PRDX4: variants seen among roughly 807,000 people sequenced by gnomAD.
The protein encoded by PRDX4 is peroxiredoxin-4.
A neutral mutation model predicts 20.5 loss-of-function variants in PRDX4; 12 were observed. The observed-to-expected ratio is 0.58, with a 90% CI of 0.37 to 0.95. PRDX4 has a LOEUF of 0.95. Among genes scored for constraint, PRDX4 ranks in the 40% least tolerant of loss-of-function variants. The pLI is 0.01. For missense variants in PRDX4, 180 were observed against 207.3 expected (o/e 0.87, Z 0.81); for synonymous variants, 99 against 87.5 (o/e 1.13, Z -0.73).
intron 4 of PRDX4, among the ~76,000 whole-genome samples, chrX:23,680,745 A>AT (rs972545993): frequency 9.3e-6 from 1 of 108,032 alleles, no homozygotes; most frequent in Non-Finnish European, 1.9e-5. Flanking sequence ...AAAAAAAATA[A>AT]TTTTTTTTTG....
Position 23,667,737 on chromosome X carries a change from G to T in PRDX4, c.167G>T (p.Gly56Val). The T allele has an allele frequency of 8.3e-7, 1 of 1,211,879 alleles. No individual in the cohort carries two copies. Among genetic ancestry groups the T allele is most frequent in the Non-Finnish European group, 1.1e-6 (1 of 895,513 alleles). The change falls in exon 1 of 7, where the codon GGT becomes GTT. Residue 56 changes from glycine to valine, a missense_variant. Gly to Val is a moderately radical substitution (Grantham distance 109). This residue lies in a region of PRDX4 where 105 missense variants were observed against 114.2 expected (regional missense o/e 0.92). Transcript: ENST00000379341. ...TREEECHFYA[G>V]GQVYPGEASR... Reference sequence around the variant, plus strand: ...GAAGAGGAGTGCCACTTCTACGCGGGTGGACAAGTGTACCCGGGAGAGGCA... The same window carrying T: ...GAAGAGGAGTGCCACTTCTACGCGGTTGGACAAGTGTACCCGGGAGAGGCA...
Position 23,675,074 on chromosome X carries a change from C to T in PRDX4, c.444C>T (p.Cys148=), listed in dbSNP as rs766665895. 7.4e-6 allele frequency: 9 copies of T among 1,209,400 alleles called. No homozygotes were observed. The highest frequency in any genetic ancestry group is 4.4e-5 in the Admixed American group (2 of 45,647). ...FRSINTEVVA[C]SVDSQFTHLA... ...CTATAAATACTGAAGTGGTAGCATG[C>T]TCTGTTGATTCACAGTTTACCCATT... Residue 148 remains cysteine, a synonymous_variant, in exon 3 of 7, where the codon TGC becomes TGT. Coordinates refer to ENST00000379341, the MANE Select transcript of PRDX4 (RefSeq NM_006406.2).
chrX:23,678,330 C>T (rs1008627847), intron 3 of PRDX4, among the ~76,000 whole-genome samples: 12 of 107,759 alleles, frequency 1.1e-4, no homozygotes, highest in Non-Finnish European at 2.3e-4. Flanking sequence ...TGTATCCATA[C>T]ATTAAAAATG....
chrX:23,680,121 G>A (rs1387829053), intron 4 of PRDX4, among the ~76,000 whole-genome samples: 3 of 112,389 alleles, frequency 2.7e-5, no homozygotes, highest in Non-Finnish European at 3.8e-5. Flanking sequence ...ATTATTTAGA[G>A]GTCTTTCACC....
chrX:23,669,810 G>A (rs1175893708), intron 1 of PRDX4, among the ~76,000 whole-genome samples: 1 of 110,013 alleles, frequency 9.1e-6, no homozygotes, highest in Non-Finnish European at 1.9e-5. Flanking sequence ...CCAGCTACTG[G>A]GCAGGCTGAG....
intron 3 of PRDX4, among the ~76,000 whole-genome samples, chrX:23,678,149 C>G (rs1317628174): frequency 9.1e-6 from 1 of 109,625 alleles, no homozygotes; most frequent in Admixed American, 9.8e-5. Flanking sequence ...TGCCTGTAAT[C>G]CCAGCTACTT....
chrX:23,683,550 T>G, intron 5 of PRDX4, 121 bp from the exon 6 acceptor site: 1 of 632,511 alleles, frequency 1.6e-6, no homozygotes, highest in Non-Finnish European at 2.4e-6. Context: ...TGCTCGGTGG[T>G]CTGGAAATGT....
chrX:23,679,171 T>C lies in PRDX4; in HGVS notation c.483T>C (p.Asn161=), dbSNP rs750119036. 1.7e-6 allele frequency: 2 copies of C among 1,208,612 alleles called. No individual in the cohort carries two copies. The highest frequency in any genetic ancestry group is 3.5e-5 in the South Asian group (2 of 56,637). The change falls in exon 4 of 7, where the codon AAT becomes AAC. Residue 161 remains asparagine (N), a synonymous_variant. Transcript: ENST00000379341. The stretch of plus-strand genomic sequence containing the variant: ...AGCGTTCTGTTTGTTACAGGATTAA[T>C]ACCCCTCGAAGACAAGGAGGACTTG... The part of the protein sequence containing the change: ...DSQFTHLAWI[N]TPRRQGGLGP...
chrX:23,668,250 C>T (rs978979148), intron 1 of PRDX4, among the ~76,000 whole-genome samples: 1 of 112,403 alleles, frequency 8.9e-6, no homozygotes, highest in Non-Finnish European at 1.9e-5. Context: ...ACACAGTGCT[C>T]GGGAGGTCAA....
intron 5 of PRDX4, 79 bp downstream of exon 5, chrX:23,682,605 T>A: frequency 1.2e-6 from 1 of 817,399 alleles, no homozygotes; most frequent in Non-Finnish European, 1.6e-6. Context: ...GTAAAAGTAA[T>A]CGATATTTCC....
At chrX:23,677,791 G>T (rs1324492697) in intron 3 of PRDX4, among the ~76,000 whole-genome samples, 1 of 111,264 alleles carries the variant, frequency 9.0e-6, no homozygotes, top group Non-Finnish European at 1.9e-5. Flanking sequence ...GATGTTTTCA[G>T]CAGTGTTTAT....
chrX:23,678,536 A>G (rs1002051881), intron 3 of PRDX4, among the ~76,000 whole-genome samples: 1 of 110,842 alleles, frequency 9.0e-6, no homozygotes, highest in Non-Finnish European at 1.9e-5. Flanking sequence ...AAGCTGAGGC[A>G]GGAGAATCGC....
At chrX:23,676,380 T>G (rs925071451) in intron 3 of PRDX4, among the ~76,000 whole-genome samples, 1 of 111,071 alleles carries the variant, frequency 9.0e-6, no homozygotes, top group African/African-American at 3.3e-5. Flanking sequence ...ATTCCTTAAG[T>G]ATCTCAATTT....
chrX:23,679,083 G>C (rs779968540), intron 3 of PRDX4, 82 bp from the exon 4 acceptor site: 1 of 981,959 alleles, frequency 1.0e-6, no homozygotes, highest in Middle Eastern at 2.7e-4. Flanking sequence ...ATGTGTGTGC[G>C]TGTGCATGTA....
Position 23,682,825 on chromosome X carries a change from C to CAAAAA in PRDX4, c.730+324_730+328dup, listed in dbSNP as rs568865999. ...GTGAAACCTCACCTCTACTAAAAAT[C>CAAAAA]AAAAAAAAAAAAAAAAAAAAAAAAA... On this transcript the variant is annotated intron_variant, in intron 5 of 6. Transcript: ENST00000379341. Among the ~76,000 whole-genome samples the CAAAAA allele has an allele frequency of 1.6e-3, 15 of 9,584 alleles. 2 individuals are homozygous for CAAAAA. Among genetic ancestry groups the CAAAAA allele is most frequent in the Admixed American group, 7.2e-3 (2 of 276 alleles). 8.3% of individuals were successfully genotyped at this position (9,584 alleles called of 115,157 possible).
At position 23,675,094 on chromosome X, in the gene PRDX4, C is replaced by T. The variant is rs1464491272; in HGVS notation, c.464C>T (p.Thr155Ile). The T allele has an allele frequency of 1.7e-6, 2 of 1,209,219 alleles. No individual in the cohort carries two copies. Among genetic ancestry groups the T allele is most frequent in the Non-Finnish European group, 2.2e-6 (2 of 895,025 alleles). Residue 155 changes from threonine to isoleucine, a missense_variant, in exon 3 of 7, where the codon ACC becomes ATC. By Grantham distance (89) the Thr-to-Ile change is moderately conservative (BLOSUM62 -1). Around this residue, in one of 3 missense-constraint regions of PRDX4, gnomAD observed 2 missense variants for 16.5 expected, o/e 0.12. Transcript: ENST00000379341. The part of the protein sequence containing the change: ...VVACSVDSQF[T>I]HLAWINTPRR... ...GCATGCTCTGTTGATTCACAGTTTA[C>T]CCATTTGGCCTGGTCAGTATCTTAC...
intron 4 of PRDX4, among the ~76,000 whole-genome samples, chrX:23,681,746 A>G (rs1928073248): frequency 1.8e-5 from 2 of 112,553 alleles, no homozygotes; most frequent in South Asian, 7.2e-4. Flanking sequence ...TCTTTTTAAA[A>G]TTTTTTTGTT....
At chrX:23,675,545 G>A (rs779215837) in intron 3 of PRDX4, 1 of 122,187 alleles carries the variant, frequency 8.2e-6, no homozygotes, top group East Asian at 2.4e-4. Context: ...TTTAAAAAAT[G>A]TTTAAAAATT....
intron 2 of PRDX4, among the ~76,000 whole-genome samples, chrX:23,674,442 G>T (rs757025818): frequency 4.5e-5 from 5 of 110,257 alleles, no homozygotes; most frequent in African/African-American, 1.6e-4. Context: ...CAACATGAGG[G>T]TATTAAGGTA....
Sources: allele counts gnomAD v4.1 joint callset (sites outside exome capture counted in the v4.1 genomes callset), GRCh38; gene constraint gnomAD v4.1.1; regional missense constraint gnomAD v4.1.1; transcripts MANE v1.5; gene names NCBI Gene and HGNC (gene_info 2026-07-23, HGNC 2026-07-21).